SYNE2: variants seen among roughly 807,000 people sequenced by gnomAD.
The protein encoded by SYNE2 is spectrin repeat containing nuclear envelope protein 2, also known as nesprin-2.
In SYNE2, 431 loss-of-function variants were observed where a neutral mutation model predicts 856.3. The observed-to-expected ratio is 0.50, with a 90% confidence interval of 0.47 to 0.55. The LOEUF is 0.55. Ranked by LOEUF, SYNE2 falls within the 20% of genes least tolerant of loss-of-function variation. The pLI, the probability that SYNE2 is intolerant of heterozygous loss-of-function variation, is 0.00. For synonymous variants in SYNE2, 2,923 were observed against 2,872.3 expected, an observed-to-expected ratio of 1.02 and a Z score of -0.56; for missense variants, 8,129 against 8,023.2, an observed-to-expected ratio of 1.01 and a Z score of -0.50.
Position 64,164,266 on chromosome 14 carries a change from T to G in SYNE2, c.16479+685T>G, listed in dbSNP as rs926770009. Among the ~76,000 whole-genome samples, 104 of 152,160 alleles carry G rather than the reference T, an allele frequency of 6.8e-4. 1 individual carries two copies. Among genetic ancestry groups the G allele is most frequent in the Non-Finnish European group, 2.6e-4 (18 of 67,990 alleles). The stretch of plus-strand genomic sequence containing the variant: ...CTGGGACTACAGGTGCCTGCCACCA[T>G]GCCTGGCTAATTTTTTTGTATTTTT... On this transcript the variant is annotated intron_variant, in intron 89 of 115. Coordinates refer to ENST00000555002, the MANE Select transcript of SYNE2 (RefSeq NM_182914.3).
At chr14:64,124,034 A>T (rs755868183) in intron 70 of SYNE2, among the ~76,000 whole-genome samples, 2 of 152,002 alleles carry the variant, frequency 1.3e-5, no homozygotes, top group Non-Finnish European at 2.9e-5. Flanking sequence ...GTGAAACCCC[A>T]TCTCTACTAA....
rs768193199 is a variant in SYNE2 at position 63,954,856 on chromosome 14, G to T, written c.728G>T (p.Arg243Ile). The T allele has an allele frequency of 5.6e-6, 9 of 1,613,944 alleles. No individual in the cohort carries two copies. In the Admixed American group the frequency reaches 1.3e-4, roughly 24 times the overall value. Residue 243 changes from arginine (R) to isoleucine (I), a missense_variant, in exon 8 of 116, where the codon AGA becomes ATA. Physicochemically the swap from Arg to Ile is moderately conservative, Grantham distance 97. Around this residue, in one of 3 missense-constraint regions of SYNE2, gnomAD observed 2,422 missense variants for 2,357.4 expected, o/e 1.03. Coordinates refer to ENST00000555002, the MANE Select transcript of SYNE2 (RefSeq NM_182914.3). ...CATAGATCCAACAAAGACAATCTGA[G>T]AGAGGCCTTCAGAATTGCAGAACAA... Reference protein sequence around the residue: ...VKHRSNKDNLREAFRIAEQEL... With the variant: ...VKHRSNKDNLIEAFRIAEQEL...
In SYNE2 at chr14:64,016,503, C is replaced by A; in HGVS notation, c.4759C>A (p.His1587Asn). 1 of 1,594,320 alleles carries A rather than the reference C, an allele frequency of 6.3e-7. No homozygotes were observed. The highest frequency in any genetic ancestry group is 2.2e-5 in the East Asian group (1 of 44,566). The change falls in exon 33 of 116, where the codon CAT becomes AAT. Residue 1587 changes from histidine to asparagine, a missense_variant. His to Asn is a moderately conservative substitution (Grantham distance 68). Coordinates refer to ENST00000555002, the MANE Select transcript of SYNE2 (RefSeq NM_182914.3). Reference protein sequence around the residue: ...IEIVKEEFNEHLEVVDKINQV... With the variant: ...IEIVKEEFNENLEVVDKINQV... ...AATTGTCAAAGAAGAATTTAATGAGCATTTAGAAGTTGTAGACAAGATAAA... is the reference window on the plus strand; with the variant it reads ...AATTGTCAAAGAAGAATTTAATGAGAATTTAGAAGTTGTAGACAAGATAAA...
In SYNE2 at chr14:64,224,534, C is replaced by T; in HGVS notation, c.20456C>T (p.Ala6819Val). 2.5e-6 allele frequency: 4 copies of T among 1,614,124 alleles called. No individual in the cohort carries two copies. The highest frequency in any genetic ancestry group is 1.3e-5 in the African/African-American group (1 of 75,040). Reference protein sequence around the residue: ...GDQPPATSVPAPRAKFRAVRT... With the variant: ...GDQPPATSVPVPRAKFRAVRT... ...CAGCCTCCTGCAACATCCGTGCCAGCTCCCCGAGCAAAGGTAAGAAGCCCC... is the reference window on the plus strand; with the variant it reads ...CAGCCTCCTGCAACATCCGTGCCAGTTCCCCGAGCAAAGGTAAGAAGCCCC... Residue 6819 changes from alanine (A) to valine (V), a missense_variant, in exon 114 of 116, where the codon GCT becomes GTT. By Grantham distance (64) the Ala-to-Val change is moderately conservative (BLOSUM62 0). This residue lies in a region of SYNE2 where 5,410 missense variants were observed against 5,284.8 expected (regional missense o/e 1.02). Coordinates refer to ENST00000555002, the MANE Select transcript of SYNE2 (RefSeq NM_182914.3).
At chr14:64,198,443 A>G (rs751227712) in intron 99 of SYNE2, among the ~76,000 whole-genome samples, 1 of 152,256 alleles carries the variant, frequency 6.6e-6, no homozygotes, top group Non-Finnish European at 1.5e-5. Flanking sequence ...TGTACAGAAC[A>G]GAACGATACA....
At position 64,056,051 on chromosome 14, in the gene SYNE2, A is replaced by G. The variant is rs1222580249; in HGVS notation, c.9852A>G (p.Val3284=). The change falls in exon 49 of 116, where the codon GTA becomes GTG. Residue 3284 remains valine (V), a synonymous_variant. Coordinates refer to ENST00000555002, the MANE Select transcript of SYNE2 (RefSeq NM_182914.3). ...AAGCCATCATTATACCCTACAGAGT[A>G]GATGTTGGTAATCCAGAAGAATCTT... The part of the protein sequence containing the change: ...SLEAIIIPYR[V]DVGNPEESLE... 3 of 1,614,080 alleles carry G rather than the reference A, an allele frequency of 1.9e-6. No individual in the cohort carries two copies. The South Asian group carries it at 3.3e-5, about 18-fold the overall frequency.
At chr14:64,140,905 T>C (rs2098134019) in intron 80 of SYNE2, among the ~76,000 whole-genome samples, 1 of 152,100 alleles carries the variant, frequency 6.6e-6, no homozygotes, top group Admixed American at 6.5e-5. Context: ...TGTTTTTTTT[T>C]TATTTTTCAT....
intron 52 of SYNE2, among the ~76,000 whole-genome samples, chr14:64,071,303 G>C (rs1056538189): frequency 4.0e-5 from 6 of 151,832 alleles, no homozygotes; most frequent in Admixed American, 3.9e-4. Context: ...GACCATCCTG[G>C]CTAACGTGGT....
At position 64,052,721 on chromosome 14, in the gene SYNE2, T is replaced by C. The variant is rs369899875; in HGVS notation, c.8808T>C (p.Asn2936=). 6.8e-5 allele frequency: 110 copies of C among 1,613,736 alleles called. No homozygotes were observed. In the African/African-American group the frequency reaches 1.2e-3, roughly 18 times the overall value. ...RIQRFIQNTC[N]EVEHKIKFCR... is the part of the protein sequence containing the mutation. Reference sequence around the variant, plus strand: ...AAAGATTCATTCAGAATACATGTAATGAAGTGGAACACAAGATAAAGTTTT... The same window carrying C: ...AAAGATTCATTCAGAATACATGTAACGAAGTGGAACACAAGATAAAGTTTT... Residue 2936 remains asparagine, a synonymous_variant, in exon 48 of 116, where the codon AAT becomes AAC. Transcript: ENST00000555002.
At chr14:63,797,713 A>T (rs1418901473) in intron 1 of SYNE2, among the ~76,000 whole-genome samples, 1 of 152,226 alleles carries the variant, frequency 6.6e-6, no homozygotes, top group Admixed American at 6.5e-5. Flanking sequence ...AAGCGATGGG[A>T]TTACAGGTGT....
intron 1 of SYNE2, among the ~76,000 whole-genome samples, chr14:63,882,950 A>G (rs998629722): frequency 6.6e-6 from 1 of 151,360 alleles, no homozygotes; most frequent in African/African-American, 2.4e-5. Flanking sequence ...GGATTAAATG[A>G]CATAATGTAT....
intron 6 of SYNE2, among the ~76,000 whole-genome samples, chr14:63,947,236 G>A (rs1391576967): frequency 6.6e-6 from 1 of 152,112 alleles, no homozygotes; most frequent in Non-Finnish European, 1.5e-5. Context: ...AGGATTTTCT[G>A]CAGTGATGGA....
chr14:64,081,395 T>C (rs2097522794), intron 56 of SYNE2, 48 bp from the exon 57 acceptor site: 2 of 1,613,374 alleles, frequency 1.2e-6, no homozygotes, highest in African/African-American at 2.7e-5. Flanking sequence ...GTCATTCAGC[T>C]CCAGTAAAAG....
At position 64,021,405 on chromosome 14, in the gene SYNE2, G is replaced by A. The variant is rs768694081; in HGVS notation, c.5242G>A (p.Ala1748Thr). The change falls in exon 36 of 116, where the codon GCT becomes ACT. Residue 1748 changes from alanine (A) to threonine (T), a missense_variant. Around this residue, in one of 3 missense-constraint regions of SYNE2, gnomAD observed 2,422 missense variants for 2,357.4 expected, o/e 1.03. Transcript: ENST00000555002. Reference protein sequence around the residue: ...SNCHALSGSTAELREDLDQAK... With the variant: ...SNCHALSGSTTELREDLDQAK... Reference sequence around the variant, plus strand: ...CTGCCATGCACTCAGTGGCAGCACTGCTGAGCTAAGGGAGGATCTCGACCA... The same window carrying A: ...CTGCCATGCACTCAGTGGCAGCACTACTGAGCTAAGGGAGGATCTCGACCA... 37 of 1,614,060 alleles carry A rather than the reference G, an allele frequency of 2.3e-5. No individual in the cohort carries two copies. In the African/African-American group the frequency reaches 4.8e-4, roughly 21 times the overall value.
chr14:64,221,216 C>T (rs981818208), intron 111 of SYNE2, among the ~76,000 whole-genome samples: 2 of 152,176 alleles, frequency 1.3e-5, no homozygotes. Flanking sequence ...AACGTGAGCC[C>T]ACCCCAGCCT....
chr14:64,214,915 T>G (rs892274694), intron 106 of SYNE2, among the ~76,000 whole-genome samples: 1 of 152,094 alleles, frequency 6.6e-6, no homozygotes, highest in Non-Finnish European at 1.5e-5. Context: ...AGTTTTTAAA[T>G]TTTTTGTAGA....
At chr14:64,101,643 A>G (rs189441532) in intron 63 of SYNE2, among the ~76,000 whole-genome samples, 4 of 152,284 alleles carry the variant, frequency 2.6e-5, no homozygotes, top group Admixed American at 1.3e-4. Context: ...TTACCAAAGC[A>G]GATTAAATTC....
At chr14:64,150,863 G>A (rs1226075941) in intron 84 of SYNE2, among the ~76,000 whole-genome samples, 1 of 152,308 alleles carries the variant, frequency 6.6e-6, no homozygotes, top group East Asian at 1.9e-4. Flanking sequence ...GACAGAGGTA[G>A]CAGCTGACTA....
At chr14:63,776,956 A>G (rs1220758855) in intron 1 of SYNE2, among the ~76,000 whole-genome samples, 2 of 152,186 alleles carry the variant, frequency 1.3e-5, no homozygotes, top group Non-Finnish European at 1.5e-5. Context: ...CCATTCTTCT[A>G]TAGGCAAACA....
Sources: allele counts gnomAD v4.1 joint callset (sites outside exome capture counted in the v4.1 genomes callset), GRCh38; gene constraint gnomAD v4.1.1; regional missense constraint gnomAD v4.1.1; transcripts MANE v1.5; gene names NCBI Gene and HGNC (gene_info 2026-07-23, HGNC 2026-07-21).